PRKD1: variants seen among roughly 807,000 people sequenced by gnomAD.
PRKD1 encodes the protein serine/threonine-protein kinase D1.
A neutral mutation model predicts 95.9 loss-of-function variants in PRKD1; 63 were observed. The observed-to-expected ratio is 0.66, with a 90% CI of 0.54 to 0.81. The LOEUF (loss-of-function observed/expected upper bound fraction) is 0.81, where lower values mean the gene tolerates loss of function less well. PRKD1 is among the 30% of genes least tolerant of loss of function. The pLI, the probability that PRKD1 is intolerant of heterozygous loss-of-function variation, is 0.00. For missense variants in PRKD1, 1,048 were observed against 1,165.3 expected (o/e 0.90, Z 1.47); for synonymous variants, 425 against 423.1 (o/e 1.00, Z -0.05).
intron 1 of PRKD1, among the ~76,000 whole-genome samples, chr14:29,844,872 G>A (rs11847351): frequency 0.48 from 73,618 of 151,938 alleles, 21,470 homozygotes; most frequent in African/African-American, 0.83. Context: ...TCAGATATCC[G>A]TTCTGGTCAG....
At chr14:29,830,859 A>AT (rs1399409904) in intron 1 of PRKD1, among the ~76,000 whole-genome samples, 1 of 151,878 alleles carries the variant, frequency 6.6e-6, no homozygotes, top group Admixed American at 6.6e-5. Context: ...CGCCCAACTA[A>AT]TTTTTTGTAG....
At chr14:29,578,543 TAAAAAAAAAAAAAA>T (rs992449669) in intron 16 of PRKD1, among the ~76,000 whole-genome samples, 183 bp from the exon 17 acceptor site, 4 of 42,682 alleles carry the variant, frequency 9.4e-5, no homozygotes, top group African/African-American at 3.0e-4. Context: ...TTTTGGATAC[TAAAAAAAAAAAAAA>T]AAAAAAAAAA....
At position 29,706,189 on chromosome 14, in the gene PRKD1, T is replaced by G. The variant is rs578074906; in HGVS notation, c.403+19347A>C. On this transcript the variant is annotated intron_variant, in intron 2 of 17. Transcript: ENST00000331968. ...GTAGTTTTGACTTGCATTTTCCTAATGACGAATGATGCTGAGCACCTTTTC... is the reference window on the plus strand; with the variant it reads ...GTAGTTTTGACTTGCATTTTCCTAAGGACGAATGATGCTGAGCACCTTTTC... 3.3e-5 allele frequency among the ~76,000 whole-genome samples: 5 copies of G among 152,172 alleles called. No homozygotes were observed. The South Asian group carries it at 1.0e-3, about 31-fold the overall frequency.
At chr14:29,626,808 A>G (rs1032130302) in intron 11 of PRKD1, among the ~76,000 whole-genome samples, 17 of 149,512 alleles carry the variant, frequency 1.1e-4, no homozygotes, top group Non-Finnish European at 1.9e-4. Flanking sequence ...TCCACCTCCC[A>G]GGTTCAAGAG....
At chr14:29,741,890 A>G (rs1886995714) in intron 1 of PRKD1, among the ~76,000 whole-genome samples, 1 of 151,992 alleles carries the variant, frequency 6.6e-6, no homozygotes, top group African/African-American at 2.4e-5. Context: ...GATTAATATT[A>G]TGACATTTTT....
At chr14:29,911,758 T>C (rs1388440230) in intron 1 of PRKD1, among the ~76,000 whole-genome samples, 1 of 152,216 alleles carries the variant, frequency 6.6e-6, no homozygotes, top group Non-Finnish European at 1.5e-5. Flanking sequence ...AAATTTATTA[T>C]CTTACTGTTT....
intron 14 of PRKD1, 69 bp from the exon 15 acceptor site, chr14:29,599,194 G>A: frequency 2.2e-6 from 3 of 1,371,662 alleles, no homozygotes. Flanking sequence ...CCAGTTAAAA[G>A]GCCAAGAAAA....
At chr14:29,675,498 G>A (rs577531650) in intron 2 of PRKD1, among the ~76,000 whole-genome samples, 29 of 151,970 alleles carry the variant, frequency 1.9e-4, no homozygotes, top group African/African-American at 7.0e-4. Context: ...AGCTTCTTTC[G>A]GTATAATGCA....
At chr14:29,761,315 A>G (rs1025336360) in intron 1 of PRKD1, among the ~76,000 whole-genome samples, 3 of 152,234 alleles carry the variant, frequency 2.0e-5, no homozygotes, top group African/African-American at 7.2e-5. Flanking sequence ...AAGCATGTTA[A>G]AAGTCCTGAG....
chr14:29,708,665 C>A lies in PRKD1; in HGVS notation c.403+16871G>T, dbSNP rs190451742. On this transcript the variant is annotated intron_variant, in intron 2 of 17. Coordinates refer to ENST00000331968, the MANE Select transcript of PRKD1 (RefSeq NM_002742.3). Reference sequence around the variant, plus strand: ...CTCAGGAGTTCGAGACCAGTCTGGGCAACATGGCAAAACCTCCTCTCTACA... The same window carrying A: ...CTCAGGAGTTCGAGACCAGTCTGGGAAACATGGCAAAACCTCCTCTCTACA... Among the ~76,000 whole-genome samples, 770 of 152,196 alleles carry A rather than the reference C, an allele frequency of 5.1e-3. 8 individuals are homozygous for A. The highest frequency in any genetic ancestry group is 0.017 in the African/African-American group (722 of 41,526).
At chr14:29,735,065 C>G (rs1886649914) in intron 1 of PRKD1, among the ~76,000 whole-genome samples, 1 of 152,212 alleles carries the variant, frequency 6.6e-6, no homozygotes, top group South Asian at 2.1e-4. Context: ...TATTGTTTTC[C>G]TATTTGTTTA....
intron 13 of PRKD1, among the ~76,000 whole-genome samples, chr14:29,623,697 C>T (rs1483894084): frequency 1.3e-5 from 2 of 152,116 alleles, no homozygotes; most frequent in Admixed American, 6.5e-5. Flanking sequence ...AAATGAAAGG[C>T]TTACAGTGAG....
At chr14:29,592,230 G>A (rs1280591704) in intron 16 of PRKD1, among the ~76,000 whole-genome samples, 1 of 151,988 alleles carries the variant, frequency 6.6e-6, no homozygotes, top group Non-Finnish European at 1.5e-5. Context: ...ATGATGAAAT[G>A]AAATATGGTA....
chr14:29,741,094 T>C (rs746115412), intron 1 of PRKD1, among the ~76,000 whole-genome samples: 44 of 152,054 alleles, frequency 2.9e-4, no homozygotes, highest in Non-Finnish European at 4.7e-4. Context: ...ACAGACATTA[T>C]TGGGGCCTAA....
At chr14:29,925,013 A>G (rs936766863) in intron 1 of PRKD1, among the ~76,000 whole-genome samples, 5 of 152,218 alleles carry the variant, frequency 3.3e-5, no homozygotes. Flanking sequence ...CTGTATATAA[A>G]TAACCCTCAA....
At chr14:29,713,365 C>T (rs972150069) in intron 2 of PRKD1, among the ~76,000 whole-genome samples, 27 of 152,216 alleles carry the variant, frequency 1.8e-4, no homozygotes, top group Admixed American at 5.2e-4. Flanking sequence ...CTAGATGATT[C>T]GTTTGTGAAT....
Position 29,632,922 on chromosome 14 carries a change from C to G in PRKD1, c.1339G>C (p.Asp447His). ...TGAAAGAGGGTAATACATTTGCTAT[C>G]CAATCTCCAATAGTGCCGTTTCCGC... ...TLRKRHYWRL[D>H]SKCITLFQND... Residue 447 changes from aspartate to histidine, a missense_variant, in exon 9 of 18, where the codon GAT (aspartate) becomes CAT (histidine). Physicochemically the swap from Asp to His is moderately conservative, Grantham distance 81. Coordinates refer to ENST00000331968, the MANE Select transcript of PRKD1 (RefSeq NM_002742.3). The G allele has an allele frequency of 6.2e-7, 1 of 1,613,726 alleles. No homozygotes were observed. Among genetic ancestry groups the G allele is most frequent in the Non-Finnish European group, 8.5e-7 (1 of 1,179,694 alleles).
chr14:29,663,884 T>A, intron 3 of PRKD1, 25 bp from the exon 4 acceptor site: 1 of 1,605,162 alleles, frequency 6.2e-7, no homozygotes, highest in Non-Finnish European at 8.5e-7. Context: ...TAAAAATTAT[T>A]TTTATTGAAC....
intron 12 of PRKD1, among the ~76,000 whole-genome samples, chr14:29,624,582 C>T (rs146504619): frequency 6.6e-6 from 1 of 152,062 alleles, no homozygotes; most frequent in African/African-American, 2.4e-5. Flanking sequence ...ATTTGTATCA[C>T]CACCAAATTA....
Sources: allele counts gnomAD v4.1 joint callset (sites outside exome capture counted in the v4.1 genomes callset), GRCh38; gene constraint gnomAD v4.1.1; transcripts MANE v1.5; gene names NCBI Gene and HGNC (gene_info 2026-07-23, HGNC 2026-07-21).